LUZP2: variants seen among roughly 807,000 people sequenced by gnomAD.
LUZP2 encodes the protein leucine zipper protein 2.
LUZP2 carries 52 observed loss-of-function variants against 51.6 expected under a neutral mutation model. That is an observed-to-expected ratio of 1.01 (90% CI 0.81 to 1.27). LUZP2 has a LOEUF of 1.27. Ranked by LOEUF, LUZP2 falls within the 50% of genes most tolerant of loss-of-function variation. LUZP2 has a pLI of 0.00. For synonymous variants in LUZP2, 154 were observed against 137.3 expected (o/e 1.12, Z -0.85); for missense variants, 436 against 395.4 (o/e 1.10, Z -0.87).
At chr11:24,725,864 G>A (rs1858456574) in intron 1 of LUZP2, among the ~76,000 whole-genome samples, 1 of 152,154 alleles carries the variant, frequency 6.6e-6, no homozygotes. Context: ...GTGTTCTTAT[G>A]TAAAGGGGGA....
chr11:24,601,398 A>C (rs1853630834), intron 1 of LUZP2, among the ~76,000 whole-genome samples: 1 of 152,032 alleles, frequency 6.6e-6, no homozygotes, highest in African/African-American at 2.4e-5. Flanking sequence ...TGGAGTTAAC[A>C]ATTTTTTTAG....
chr11:24,535,180 T>G (rs1202773142), intron 1 of LUZP2, among the ~76,000 whole-genome samples: 1 of 151,264 alleles, frequency 6.6e-6, no homozygotes, highest in Non-Finnish European at 1.5e-5. Context: ...TTTCAGCAAT[T>G]CCTAAATCCT....
chr11:24,802,022 G>A (rs540738269), intron 5 of LUZP2, among the ~76,000 whole-genome samples: 3 of 152,008 alleles, frequency 2.0e-5, no homozygotes, highest in South Asian at 2.1e-4. Flanking sequence ...TAATGTGCAT[G>A]TAATCCAAAC....
At chr11:24,939,166 T>G (rs1854674310) in intron 7 of LUZP2, among the ~76,000 whole-genome samples, 1 of 152,190 alleles carries the variant, frequency 6.6e-6, no homozygotes, top group Non-Finnish European at 1.5e-5. Context: ...TTTAGTCATT[T>G]CACTAGCTTC....
At chr11:24,657,971 A>G (rs1475553517) in intron 1 of LUZP2, among the ~76,000 whole-genome samples, 2 of 152,202 alleles carry the variant, frequency 1.3e-5, no homozygotes, top group African/African-American at 4.8e-5. Context: ...GGTAGGAAGA[A>G]TCAATATCGT....
At position 24,723,445 on chromosome 11, in the gene LUZP2, T is replaced by C. The variant is rs143111445; in HGVS notation, c.63-5724T>C. 1.4e-3 allele frequency among the ~76,000 whole-genome samples: 217 copies of C among 152,352 alleles called. 1 individual carries two copies. The highest frequency in any genetic ancestry group is 1.9e-3 in the Non-Finnish European group (128 of 68,038). On this transcript the variant is annotated intron_variant, in intron 1 of 11. Coordinates refer to ENST00000336930, the MANE Select transcript of LUZP2 (RefSeq NM_001009909.4). ...TTCATTGCAGCATTACTCATAATAT[T>C]CAAAAACTGGAAAAAGTCACAAGTG...
chr11:24,677,008 A>T (rs1856579564), intron 1 of LUZP2, among the ~76,000 whole-genome samples: 1 of 152,166 alleles, frequency 6.6e-6, no homozygotes, highest in Non-Finnish European at 1.5e-5. Context: ...TTCCACAAAA[A>T]ATTCTAAATA....
At chr11:24,814,713 C>T (rs1038634148) in intron 5 of LUZP2, among the ~76,000 whole-genome samples, 1 of 152,122 alleles carries the variant, frequency 6.6e-6, no homozygotes, top group Non-Finnish European at 1.5e-5. Flanking sequence ...TCAGTATGTG[C>T]CGGGAGCGGT....
At chr11:25,020,368 C>T (rs1213468580) in intron 9 of LUZP2, among the ~76,000 whole-genome samples, 1 of 152,042 alleles carries the variant, frequency 6.6e-6, no homozygotes, top group African/African-American at 2.4e-5. Context: ...TCCCCATTTA[C>T]CCTATTGTCT....
intron 5 of LUZP2, among the ~76,000 whole-genome samples, chr11:24,792,833 T>C (rs574358190): frequency 1.3e-5 from 2 of 152,294 alleles, no homozygotes; most frequent in South Asian, 2.1e-4. Flanking sequence ...GGTGTCAGGA[T>C]TGGGATTTGT....
rs77335785 is a variant in LUZP2, at chr11:24,632,195, A to C, written c.63-96974A>C. 2.5e-4 allele frequency among the ~76,000 whole-genome samples: 38 copies of C among 152,172 alleles called. No individual in the cohort carries two copies. In the East Asian group the frequency reaches 6.6e-3, roughly 26 times the overall value. On this transcript the variant is annotated intron_variant, in intron 1 of 11. Transcript: ENST00000336930. ...CTACTGAATTTTTACACAAAACTGA[A>C]GGAACTTGTGTGGGTATCAGGATGC...
intron 7 of LUZP2, among the ~76,000 whole-genome samples, chr11:24,968,302 A>T (rs1238318551): frequency 1.3e-5 from 2 of 152,180 alleles, no homozygotes; most frequent in Non-Finnish European, 2.9e-5. Flanking sequence ...ACTGAATTCC[A>T]CCATTGTATC....
intron 4 of LUZP2, among the ~76,000 whole-genome samples, chr11:24,753,918 G>A (rs1230718538): frequency 6.6e-6 from 1 of 152,030 alleles, no homozygotes; most frequent in East Asian, 1.9e-4. Flanking sequence ...ATTCAGACTG[G>A]GGAAAATAGA....
intron 1 of LUZP2, among the ~76,000 whole-genome samples, chr11:24,687,249 T>A (rs201222075): frequency 6.6e-6 from 1 of 151,902 alleles, no homozygotes. Context: ...TGTGACAAAA[T>A]AAAAAAAAAA....
intron 1 of LUZP2, among the ~76,000 whole-genome samples, chr11:24,685,020 T>G (rs921956193): frequency 2.7e-5 from 3 of 110,008 alleles, no homozygotes. Flanking sequence ...TTACTGTATT[T>G]TGCTCTGTGT....
At chr11:25,004,834 C>G (rs1856790082) in intron 9 of LUZP2, among the ~76,000 whole-genome samples, 1 of 152,150 alleles carries the variant, frequency 6.6e-6, no homozygotes, top group African/African-American at 2.4e-5. Flanking sequence ...CCAGTAGGGA[C>G]TTTGTCCCTT....
chr11:25,039,382 C>T (rs1857967955), intron 9 of LUZP2, among the ~76,000 whole-genome samples: 1 of 152,144 alleles, frequency 6.6e-6, no homozygotes, highest in African/African-American at 2.4e-5. Flanking sequence ...TGTGGGGTAG[C>T]CAGGCATAGG....
At chr11:24,898,697 A>T (rs1443728407) in intron 5 of LUZP2, among the ~76,000 whole-genome samples, 1 of 152,060 alleles carries the variant, frequency 6.6e-6, no homozygotes, top group Non-Finnish European at 1.5e-5. Flanking sequence ...ATAAAACGTG[A>T]CAATTTCTTG....
At chr11:24,582,779 T>C (rs1852916341) in intron 1 of LUZP2, among the ~76,000 whole-genome samples, 1 of 152,080 alleles carries the variant, frequency 6.6e-6, no homozygotes. Flanking sequence ...TTTGACTACA[T>C]TGGTAATTGG....
Sources: gnomAD v4.1 joint callset for allele counts (sites outside exome capture counted in the v4.1 genomes callset) on GRCh38, gnomAD v4.1.1 for gene constraint, MANE v1.5 for transcripts, NCBI Gene and HGNC (gene_info 2026-07-23, HGNC 2026-07-21) for gene names.